Variants in PCDHA8 observed in about 807,000 individuals in gnomAD.
PCDHA8 encodes protocadherin alpha 8.
Under a neutral mutation model 61.8 loss-of-function variants are expected in PCDHA8, and 53 were observed. The observed-to-expected ratio is 0.86, with a 90% CI of 0.69 to 1.08. The LOEUF (loss-of-function observed/expected upper bound fraction) is 1.08, where lower values mean the gene tolerates loss of function less well. Ranked by LOEUF, PCDHA8 falls within the 50% of genes least tolerant of loss-of-function variation. PCDHA8 has a pLI of 0.00. For missense variants in PCDHA8, 1,293 were observed against 1,245.0 expected (o/e 1.04, Z -0.58); for synonymous variants, 618 against 556.6 (o/e 1.11, Z -1.55).
intron 1 of PCDHA8, among the ~76,000 whole-genome samples, chr5:140,941,249 TTCTTTC>T (rs1367740560): frequency 3.0e-4 from 42 of 138,342 alleles, no homozygotes; most frequent in South Asian, 7.1e-4. Context: ...CTTTCTTTCT[TTCTTTC>T]TCTTTCTTTC....
chr5:140,928,288 C>CA (rs1554205700), intron 1 of PCDHA8: 1 of 1,614,156 alleles, frequency 6.2e-7, no homozygotes, highest in East Asian at 2.2e-5. Flanking sequence ...CTCTCTAGGC[C>CA]GAGTGTTTGC....
At chr5:140,952,698 C>G (rs1020795237) in intron 1 of PCDHA8, among the ~76,000 whole-genome samples, 4 of 152,182 alleles carry the variant, frequency 2.6e-5, no homozygotes, top group Non-Finnish European at 4.4e-5. Context: ...ATAGCAATAT[C>G]CCACTCTCAG....
intron 1 of PCDHA8, among the ~76,000 whole-genome samples, chr5:140,952,792 T>C (rs2094798499): frequency 6.6e-6 from 1 of 152,210 alleles, no homozygotes; most frequent in African/African-American, 2.4e-5. Flanking sequence ...GAGGTTTAAC[T>C]GGCTCGCAGT....
intron 1 of PCDHA8, chr5:140,850,503 G>A (rs2041643123): frequency 6.3e-7 from 1 of 1,598,176 alleles, no homozygotes; most frequent in South Asian, 1.1e-5. Flanking sequence ...GGTGTCGCTG[G>A]TGGAGAGCGG....
intron 1 of PCDHA8, among the ~76,000 whole-genome samples, chr5:140,897,257 T>C (rs1554187284): frequency 6.6e-6 from 1 of 151,916 alleles, no homozygotes; most frequent in Non-Finnish European, 1.5e-5. Context: ...TATGTATACA[T>C]GTGCCATGCT....
chr5:140,877,558 A>T, intron 1 of PCDHA8: 1 of 1,613,746 alleles, frequency 6.2e-7, no homozygotes, highest in Non-Finnish European at 8.5e-7. Flanking sequence ...TCTGGTGGAT[A>T]TTAACGTGTA....
Position 140,843,025 on chromosome 5 carries a change from T to G in PCDHA8, c.1704T>G (p.Pro568=). 6.3e-7 allele frequency: 1 copy of G among 1,595,056 alleles called. No homozygotes were observed. Residue 568 remains proline, a synonymous_variant, in exon 1 of 4, where the codon CCT becomes CCG. Coordinates refer to ENST00000531613, the MANE Select transcript of PCDHA8 (RefSeq NM_018911.3). ...ENDNAPALLE[P]RVGGTGGAAS... ...ACAACGCGCCGGCACTGCTGGAGCC[T>G]CGGGTGGGTGGCACTGGTGGCGCAG...
intron 1 of PCDHA8, chr5:140,863,358 G>A (rs1432906108): frequency 8.0e-7 from 1 of 1,243,310 alleles, no homozygotes; most frequent in Non-Finnish European, 1.1e-6. Context: ...CGACGCTGCG[G>A]TGCTTGGCGC....
chr5:140,954,995 T>C (rs962646761), intron 1 of PCDHA8, among the ~76,000 whole-genome samples: 2 of 152,222 alleles, frequency 1.3e-5, no homozygotes, highest in African/African-American at 2.4e-5. Context: ...TGCATATGGC[T>C]AGCCAATTCT....
intron 3 of PCDHA8, among the ~76,000 whole-genome samples, chr5:140,987,224 A>AT (rs34154612): frequency 0.031 from 4,713 of 152,034 alleles, 257 homozygotes; most frequent in African/African-American, 0.11. Context: ...AAAAAAAAAA[A>AT]AAATAATAAA....
chr5:141,008,359 G>A (rs1369587129), intron 3 of PCDHA8, among the ~76,000 whole-genome samples: 1 of 152,150 alleles, frequency 6.6e-6, no homozygotes, highest in Non-Finnish European at 1.5e-5. Flanking sequence ...GTCAACCAAA[G>A]GAGCAGTGTT....
intron 1 of PCDHA8, among the ~76,000 whole-genome samples, chr5:140,903,607 A>G (rs938837767): frequency 6.6e-6 from 1 of 152,254 alleles, no homozygotes; most frequent in Non-Finnish European, 1.5e-5. Context: ...TGCTTAATAC[A>G]CATGAATGTG....
intron 1 of PCDHA8, chr5:140,862,950 G>A (rs559605019): frequency 1.1e-4 from 59 of 541,460 alleles, no homozygotes; most frequent in Non-Finnish European, 2.1e-4. Flanking sequence ...GAGCTGGTGC[G>A]GTATTCAGTG....
intron 1 of PCDHA8, chr5:140,854,273 T>C (rs1180521058): frequency 1.8e-6 from 1 of 562,180 alleles, no homozygotes; most frequent in Non-Finnish European, 2.3e-6. Flanking sequence ...TTAGTAGAAA[T>C]TGAGTTTAGT....
intron 1 of PCDHA8, among the ~76,000 whole-genome samples, chr5:140,972,775 T>C (rs1277210789): frequency 6.6e-6 from 1 of 151,656 alleles, no homozygotes; most frequent in Non-Finnish European, 1.5e-5. Context: ...GTGATTCTTC[T>C]GCCTCAGCCT....
chr5:140,953,992 G>A (rs1210096728), intron 1 of PCDHA8, among the ~76,000 whole-genome samples: 3 of 152,034 alleles, frequency 2.0e-5, no homozygotes, highest in Non-Finnish European at 2.9e-5. Context: ...ATTTTCATGT[G>A]TACTCATCAT....
At chr5:140,871,302 G>A in intron 1 of PCDHA8, 1 of 1,613,972 alleles carries the variant, frequency 6.2e-7, no homozygotes, top group Non-Finnish European at 8.5e-7. Context: ...CGTGCGCGCC[G>A]GGGAAGCCCA....
intron 1 of PCDHA8, among the ~76,000 whole-genome samples, chr5:140,846,899 G>C (rs1467699891): frequency 6.7e-6 from 1 of 149,660 alleles, no homozygotes; most frequent in Admixed American, 6.7e-5. Context: ...CGTTGAAGTT[G>C]AAAGACAATC....
rs80062832 is a variant in PCDHA8 at position 140,889,250 on chromosome 5, C to T, written c.2394+45535C>T. ...AAAACTTCCAGAAAATTTTCTGTTT[C>T]CTGTAAAAGTTTGTATAATCTTTGA... On this transcript the variant is annotated intron_variant, in intron 1 of 3. Transcript: ENST00000531613. Among the ~76,000 whole-genome samples, 79 of 151,798 alleles carry T rather than the reference C, an allele frequency of 5.2e-4. No homozygotes were observed. In the East Asian group the frequency reaches 0.014, roughly 27 times the overall value.
Sources: gnomAD v4.1 joint callset for allele counts (sites outside exome capture counted in the v4.1 genomes callset) on GRCh38, gnomAD v4.1.1 for gene constraint, MANE v1.5 for transcripts, NCBI Gene and HGNC (gene_info 2026-07-23, HGNC 2026-07-21) for gene names.